The following STXBP5L variants were observed in gnomAD, a reference collection of about 807,000 sequenced individuals.
STXBP5L encodes the protein syntaxin-binding protein 5-like.
In STXBP5L, 65 loss-of-function variants were observed where a neutral mutation model predicts 144.5. The observed-to-expected ratio is 0.45, with a 90% confidence interval of 0.37 to 0.55. The LOEUF is 0.55. STXBP5L is among the 20% of genes least tolerant of loss of function. STXBP5L has a pLI of 0.00. For synonymous variants in STXBP5L, 505 were observed against 469.6 expected, an observed-to-expected ratio of 1.08 and a Z score of -0.97; for missense variants, 1,298 against 1,405.5, an observed-to-expected ratio of 0.92 and a Z score of 1.22.
At chr3:121,177,593 G>A (rs1156670837) in intron 9 of STXBP5L, among the ~76,000 whole-genome samples, 1 of 152,060 alleles carries the variant, frequency 6.6e-6, no homozygotes, top group Non-Finnish European at 1.5e-5. Context: ...GATGATTACT[G>A]TCAAAAACAA....
intron 7 of STXBP5L, among the ~76,000 whole-genome samples, chr3:121,142,013 C>G (rs2045529964): frequency 6.6e-6 from 1 of 151,938 alleles, no homozygotes; most frequent in South Asian, 2.1e-4. Context: ...CATATGCTGT[C>G]TACAGTAAAC....
At chr3:120,985,075 A>G (rs1233896411) in intron 3 of STXBP5L, among the ~76,000 whole-genome samples, 1 of 151,912 alleles carries the variant, frequency 6.6e-6, no homozygotes, top group African/African-American at 2.4e-5. Context: ...TATTTTTCTG[A>G]TAATTTCATG....
intron 5 of STXBP5L, among the ~76,000 whole-genome samples, chr3:121,062,664 C>G (rs2041341762): frequency 6.6e-6 from 1 of 152,224 alleles, no homozygotes; most frequent in African/African-American, 2.4e-5. Context: ...TAGGTTAGGT[C>G]TTTTCACATA....
chr3:121,285,200 C>G (rs1222672448), intron 19 of STXBP5L, among the ~76,000 whole-genome samples: 2 of 151,896 alleles, frequency 1.3e-5, no homozygotes, highest in Non-Finnish European at 1.5e-5. Context: ...GTTATATTAT[C>G]CACTAGTGAT....
chr3:120,911,774 C>A (rs1708853998), intron 2 of STXBP5L, among the ~76,000 whole-genome samples: 1 of 151,932 alleles, frequency 6.6e-6, no homozygotes, highest in South Asian at 2.1e-4. Context: ...ACTGTAACAT[C>A]TTTGGATAGG....
At chr3:121,034,990 TA>T (rs1198147609) in intron 3 of STXBP5L, among the ~76,000 whole-genome samples, 1 of 152,188 alleles carries the variant, frequency 6.6e-6, no homozygotes, top group Non-Finnish European at 1.5e-5. Flanking sequence ...ATTTTTTATA[TA>T]CTTGTTGGCA....
chr3:121,394,231 G>A (rs1048005867), intron 22 of STXBP5L, among the ~76,000 whole-genome samples: 1 of 152,192 alleles, frequency 6.6e-6, no homozygotes, highest in Non-Finnish European at 1.5e-5. Context: ...ATCATTATTA[G>A]TGTATAAAAG....
intron 3 of STXBP5L, among the ~76,000 whole-genome samples, chr3:121,030,318 G>T (rs1946274806): frequency 6.6e-6 from 1 of 152,110 alleles, no homozygotes; most frequent in African/African-American, 2.4e-5. Flanking sequence ...AGAAGATGTG[G>T]TGCATATATA....
intron 19 of STXBP5L, among the ~76,000 whole-genome samples, chr3:121,312,269 G>A (rs2043558382): frequency 6.6e-6 from 1 of 151,108 alleles, no homozygotes; most frequent in Admixed American, 6.6e-5. Flanking sequence ...TTACCATTCA[G>A]GACATAGGCA....
At chr3:120,911,114 G>A (rs1328763328) in intron 2 of STXBP5L, among the ~76,000 whole-genome samples, 1 of 152,034 alleles carries the variant, frequency 6.6e-6, no homozygotes, top group East Asian at 1.9e-4. Context: ...CTCAATTCAT[G>A]TATATGACAG....
At chr3:121,168,163 A>T (rs1003388285) in intron 9 of STXBP5L, among the ~76,000 whole-genome samples, 3 of 152,202 alleles carry the variant, frequency 2.0e-5, no homozygotes, top group African/African-American at 7.2e-5. Context: ...ACCCACTGAG[A>T]AACCCCATCT....
In STXBP5L at chr3:120,975,315, G is replaced by A. The variant is rs538845620; in HGVS notation, c.287+20278G>A. On this transcript the variant is annotated intron_variant, in intron 3 of 26. Transcript: ENST00000471454. ...ATTCTCTTTGTAGCAATTGTGAATG[G>A]GAGTTCACTCATGATTTGGCTCTTT... Among the ~76,000 whole-genome samples, 5 of 152,174 alleles carry A rather than the reference G, an allele frequency of 3.3e-5. No individual in the cohort carries two copies. In the East Asian group the frequency reaches 5.8e-4, roughly 18 times the overall value.
intron 3 of STXBP5L, among the ~76,000 whole-genome samples, chr3:121,007,604 T>C (rs904804831): frequency 2.6e-5 from 4 of 152,088 alleles, no homozygotes; most frequent in Admixed American, 1.3e-4. Flanking sequence ...TATTCAACTC[T>C]GTTAAATCAT....
chr3:121,354,920 G>A (rs2045447174), intron 20 of STXBP5L, among the ~76,000 whole-genome samples: 1 of 152,146 alleles, frequency 6.6e-6, no homozygotes, highest in South Asian at 2.1e-4. Context: ...TTGCTTGTCT[G>A]TAAAGGATTT....
chr3:120,968,261 G>T (rs1053808702), intron 3 of STXBP5L, among the ~76,000 whole-genome samples: 5 of 152,034 alleles, frequency 3.3e-5, no homozygotes, highest in African/African-American at 1.2e-4. Flanking sequence ...GTTAATATTT[G>T]TCTTTTATAT....
chr3:121,197,968 G>A (rs564571240), intron 9 of STXBP5L, among the ~76,000 whole-genome samples: 21 of 152,270 alleles, frequency 1.4e-4, no homozygotes, highest in African/African-American at 4.8e-4. Context: ...GCATGCATGT[G>A]TCTTTATAGT....
At chr3:121,172,039 A>G (rs1208632025) in intron 9 of STXBP5L, among the ~76,000 whole-genome samples, 1 of 152,220 alleles carries the variant, frequency 6.6e-6, no homozygotes, top group Non-Finnish European at 1.5e-5. Context: ...GGCCTCAGAA[A>G]TAGCACGACA....
intron 3 of STXBP5L, among the ~76,000 whole-genome samples, chr3:120,994,195 C>T (rs6785585): frequency 0.023 from 3,473 of 151,954 alleles, 124 homozygotes; most frequent in African/African-American, 0.077. Context: ...TTTTTTGGTG[C>T]AGTCTTTAAG....
chr3:121,253,810 C>T (rs7429411), intron 15 of STXBP5L, among the ~76,000 whole-genome samples: 43,675 of 94,554 alleles, frequency 0.46, 10,118 homozygotes, highest in East Asian at 0.7. Flanking sequence ...TTTTTTTTTT[C>T]TTTTTTTTTT....
Sources: gnomAD v4.1 joint callset for allele counts (sites outside exome capture counted in the v4.1 genomes callset) on GRCh38, gnomAD v4.1.1 for gene constraint, MANE v1.5 for transcripts, NCBI Gene and HGNC (gene_info 2026-07-23, HGNC 2026-07-21) for gene names.